The following RSF1 variants were observed in gnomAD, a reference collection of about 807,000 sequenced individuals.
RSF1 encodes the protein remodeling and spacing factor 1, also known as HBV pX-associated protein 8.
RSF1 carries 13 observed loss-of-function variants against 145.2 expected under a neutral mutation model. The ratio of observed to expected loss-of-function variants is 0.09; its 90% CI spans 0.06 to 0.14. The LOEUF is 0.14. Among genes scored for constraint, RSF1 ranks in the 10% least tolerant of loss-of-function variants. RSF1 has a pLI of 1.00. For missense variants in RSF1, 1,517 were observed against 1,718.2 expected (o/e 0.88, Z 2.07); for synonymous variants, 577 against 592.6 (o/e 0.97, Z 0.38).
the RSF1 span, among the ~76,000 whole-genome samples, chr11:77,865,821 A>T: frequency 2.0e-5 from 3 of 152,310 alleles, no homozygotes; most frequent in Non-Finnish European, 2.9e-5. Context: ...ATAATCTTAC[A>T]TATCTTCTTT....
At position 77,725,627 on chromosome 11, in the gene RSF1, A is replaced by G; in HGVS notation, c.651T>C (p.Ser217=). The G allele has an allele frequency of 6.2e-7, 1 of 1,612,496 alleles. No homozygotes were observed. Among genetic ancestry groups the G allele is most frequent in the South Asian group, 1.1e-5 (1 of 90,894 alleles). Residue 217 remains serine (S), a synonymous_variant, in exon 5 of 16, where the codon TCT becomes TCC. Transcript: ENST00000308488. ...CCCGAGAAGAGTTGTCTTGTTGGCT[A>G]GAGTTTTTCAATAGTACAGGATCAA... ...AQIDPVLLKN[S]SQQDNSSRES...
chr11:77,691,919 C>A (rs1162039369), intron 8 of RSF1, among the ~76,000 whole-genome samples: 1 of 152,156 alleles, frequency 6.6e-6, no homozygotes, highest in Non-Finnish European at 1.5e-5. Context: ...TGAGACAGAT[C>A]TCACTCTGTC....
chr11:77,783,272 A>T (rs1849695023), intron 1 of RSF1, among the ~76,000 whole-genome samples: 1 of 152,150 alleles, frequency 6.6e-6, no homozygotes. Flanking sequence ...ATACATGGTG[A>T]TTTTTGCTTC....
intron 1 of RSF1, 61 bp downstream of exon 1, chr11:77,820,467 G>C (rs1338141279): frequency 6.7e-7 from 1 of 1,497,436 alleles, no homozygotes; most frequent in Admixed American, 2.1e-5. Context: ...CGCCTGTGAA[G>C]AGCGGAGAGT....
chr11:77,754,206 C>G (rs1948093356), intron 2 of RSF1, among the ~76,000 whole-genome samples: 1 of 152,084 alleles, frequency 6.6e-6, no homozygotes, highest in Non-Finnish European at 1.5e-5. Flanking sequence ...AAGAAAATAT[C>G]AAGCACTAAA....
At chr11:77,823,215 A>AG (rs35239853), upstream of RSF1, among the ~76,000 whole-genome samples, 4 of 3,096 alleles carry the variant, frequency 1.3e-3, no homozygotes, top group African/African-American at 4.4e-3. Flanking sequence ...ACTCCGTCTC[A>AG]AAAAAAAAAA....
chr11:77,739,614 C>T (rs1961457729), intron 4 of RSF1: 1 of 152,088 alleles, frequency 6.6e-6, no homozygotes, highest in Admixed American at 6.5e-5. Context: ...AATAAATAAT[C>T]ACTAAGAGAA....
At chr11:77,740,681 C>T (rs746306297) in intron 4 of RSF1, 50 bp downstream of exon 4, 25 of 1,518,830 alleles carry the variant, frequency 1.6e-5, no homozygotes, top group Non-Finnish European at 2.1e-5. Flanking sequence ...GAAACGAGAT[C>T]AATGTACAAA....
At chr11:77,749,811 C>T (rs773251529) in intron 2 of RSF1, among the ~76,000 whole-genome samples, 7 of 152,068 alleles carry the variant, frequency 4.6e-5, no homozygotes, top group Non-Finnish European at 1.0e-4. Flanking sequence ...TGCAGTGGTG[C>T]GATCTCGGCT....
At chr11:77,807,386 T>C (rs1948687672) in intron 1 of RSF1, among the ~76,000 whole-genome samples, 1 of 152,214 alleles carries the variant, frequency 6.6e-6, no homozygotes. Context: ...ACAGTAGTTA[T>C]ACTTTGTATT....
chr11:77,790,292 C>A (rs1160542208), intron 1 of RSF1, among the ~76,000 whole-genome samples: 1 of 152,072 alleles, frequency 6.6e-6, no homozygotes, highest in African/African-American at 2.4e-5. Context: ...AAAACTACCC[C>A]TTAAAATAAC....
chr11:77,781,080 T>C (rs1294458312), intron 1 of RSF1, among the ~76,000 whole-genome samples: 2 of 151,498 alleles, frequency 1.3e-5, no homozygotes, highest in Non-Finnish European at 1.5e-5. Context: ...CATCCAATCA[T>C]TGGCTGATGA....
At chr11:77,740,053 A>C (rs1166260654) in intron 4 of RSF1, among the ~76,000 whole-genome samples, 8 of 152,252 alleles carry the variant, frequency 5.3e-5, no homozygotes, top group African/African-American at 1.9e-4. Flanking sequence ...AAATTAAAAT[A>C]ATTAGAACTA....
intron 1 of RSF1, among the ~76,000 whole-genome samples, chr11:77,781,064 T>C (rs372796764): frequency 4.7e-4 from 71 of 152,178 alleles, no homozygotes; most frequent in African/African-American, 1.6e-3. Context: ...TTTATAAAAA[T>C]TTGGTCATCC....
In RSF1 at chr11:77,667,430, A is replaced by G; in HGVS notation, c.3813T>C (p.Val1271=). The change falls in exon 16 of 16, where the codon GTT becomes GTC. Residue 1271 remains valine, a synonymous_variant. Coordinates refer to ENST00000308488, the MANE Select transcript of RSF1 (RefSeq NM_016578.4). ...CGTCTGTGCTTCGGCCCCGCTTTCG[A>G]ACTGACCGCTTTGATTCTTTAGCTA... The part of the protein sequence containing the change: ...DELAKESKRS[V]RKRGRSTDEY... 1 of 1,613,600 alleles carries G rather than the reference A, an allele frequency of 6.2e-7. No homozygotes were observed. The highest frequency in any genetic ancestry group is 8.5e-7 in the Non-Finnish European group (1 of 1,179,994).
chr11:77,842,290 C>T, the RSF1 span, among the ~76,000 whole-genome samples: 2 of 152,072 alleles, frequency 1.3e-5, no homozygotes, highest in African/African-American at 2.4e-5. Context: ...TATCTGGTTT[C>T]TATGGTTGGA....
chr11:77,757,726 C>G (rs773766501), intron 2 of RSF1, among the ~76,000 whole-genome samples: 1 of 152,050 alleles, frequency 6.6e-6, no homozygotes, highest in Non-Finnish European at 1.5e-5. Flanking sequence ...GCTGGCACTG[C>G]AGGACAGATA....
the RSF1 span, chr11:77,869,758 G>A: frequency 1.9e-6 from 3 of 1,613,918 alleles, no homozygotes; most frequent in African/African-American, 1.3e-5. Flanking sequence ...TGTGAAGGAA[G>A]TTGTTGAGAA....
At chr11:77,693,478 A>C in intron 8 of RSF1, 29 bp downstream of exon 8, 1 of 1,393,342 alleles carries the variant, frequency 7.2e-7, no homozygotes, top group Non-Finnish European at 1.0e-6. Flanking sequence ...AAACTCAAAG[A>C]CTAGAAAAAC....
Sources: allele counts gnomAD v4.1 joint callset (sites outside exome capture counted in the v4.1 genomes callset), GRCh38; gene constraint gnomAD v4.1.1; transcripts MANE v1.5; gene names NCBI Gene and HGNC (gene_info 2026-07-23, HGNC 2026-07-21).